NDUFAF2: variants seen among roughly 807,000 people sequenced by gnomAD.
NDUFAF2 encodes NADH:ubiquinone oxidoreductase complex assembly factor 2, also known as NADH dehydrogenase [ubiquinone] 1 alpha subcomplex assembly factor 2.
Under a neutral mutation model 22.8 loss-of-function variants are expected in NDUFAF2, and 13 were observed. The ratio of observed to expected loss-of-function variants is 0.57; its 90% CI spans 0.37 to 0.91. The LOEUF (loss-of-function observed/expected upper bound fraction) is 0.91. Ranked by LOEUF, NDUFAF2 falls within the 40% of genes least tolerant of loss-of-function variation. The probability of loss-of-function intolerance (pLI) is 0.01; values close to 1 mark genes in which losing one functional copy is unlikely to be tolerated. For synonymous variants in NDUFAF2, 53 were observed against 64.2 expected (o/e 0.83, Z 0.84); for missense variants, 162 against 195.2 (o/e 0.83, Z 1.01).
chr5:61,129,767 T>G (rs1474406398), intron 3 of NDUFAF2, among the ~76,000 whole-genome samples: 3 of 152,130 alleles, frequency 2.0e-5, no homozygotes, highest in Admixed American at 6.5e-5. Context: ...GTTGTACACA[T>G]GTACCCTAGA....
At chr5:61,060,440 T>C (rs1379401453) in intron 1 of NDUFAF2, among the ~76,000 whole-genome samples, 1 of 152,188 alleles carries the variant, frequency 6.6e-6, no homozygotes, top group African/African-American at 2.4e-5. Flanking sequence ...TCCTTTTGTA[T>C]GCAGAATTCA....
chr5:61,024,144 G>T (rs2112605682), intron 1 of NDUFAF2, among the ~76,000 whole-genome samples: 1 of 152,200 alleles, frequency 6.6e-6, no homozygotes, highest in East Asian at 1.9e-4. Context: ...CATGTTATAA[G>T]AATTTTCTGT....
chr5:60,985,414 A>G (rs1418576336), intron 1 of NDUFAF2, among the ~76,000 whole-genome samples: 1 of 151,840 alleles, frequency 6.6e-6, no homozygotes. Context: ...CTCTGATCTT[A>G]GTTATTTCTT....
chr5:61,082,819 C>G (rs886908760), intron 2 of NDUFAF2, among the ~76,000 whole-genome samples: 2 of 152,122 alleles, frequency 1.3e-5, no homozygotes, highest in South Asian at 4.1e-4. Flanking sequence ...GTGAATAGTG[C>G]TGCAATAACC....
At chr5:60,986,907 G>A (rs560526405) in intron 1 of NDUFAF2, among the ~76,000 whole-genome samples, 98 of 149,832 alleles carry the variant, frequency 6.5e-4, no homozygotes, top group African/African-American at 2.1e-3. Context: ...ACTCTAGCCC[G>A]GGCAATAATA....
intron 1 of NDUFAF2, among the ~76,000 whole-genome samples, chr5:61,008,818 C>G (rs1751406786): frequency 6.6e-6 from 1 of 151,982 alleles, no homozygotes; most frequent in Admixed American, 6.6e-5. Flanking sequence ...TCATTTTAAG[C>G]TCTGTAGAAG....
intron 3 of NDUFAF2, among the ~76,000 whole-genome samples, chr5:61,108,716 T>G (rs1003692146): frequency 6.6e-6 from 1 of 152,200 alleles, no homozygotes; most frequent in African/African-American, 2.4e-5. Flanking sequence ...TTGAAGAGAC[T>G]GTCCTTTCCC....
At chr5:61,018,069 T>C (rs898740143) in intron 1 of NDUFAF2, among the ~76,000 whole-genome samples, 1 of 152,188 alleles carries the variant, frequency 6.6e-6, no homozygotes, top group Non-Finnish European at 1.5e-5. Flanking sequence ...TATTTAATTA[T>C]AAGTACATAC....
intron 1 of NDUFAF2, among the ~76,000 whole-genome samples, chr5:61,024,263 ACTTTT>A (rs2112605745): frequency 6.6e-6 from 1 of 151,832 alleles, no homozygotes; most frequent in East Asian, 1.9e-4. Context: ...GATTGTTTTA[ACTTTT>A]CTTTTCCCTC....
At chr5:60,954,143 C>T (rs1750583220) in intron 1 of NDUFAF2, among the ~76,000 whole-genome samples, 1 of 152,076 alleles carries the variant, frequency 6.6e-6, no homozygotes, top group Admixed American at 6.6e-5. Context: ...ACCATGATAC[C>T]CATATCCATG....
intron 1 of NDUFAF2, among the ~76,000 whole-genome samples, chr5:61,068,868 A>G (rs1442822307): frequency 6.6e-6 from 1 of 152,156 alleles, no homozygotes; most frequent in African/African-American, 2.4e-5. Context: ...AAGTCTGGCA[A>G]CATATCTTAG....
At chr5:60,993,973 TG>T (rs1751194469) in intron 1 of NDUFAF2, among the ~76,000 whole-genome samples, 2 of 152,228 alleles carry the variant, frequency 1.3e-5, no homozygotes, top group Non-Finnish European at 2.9e-5. Context: ...GGGGCCTCAG[TG>T]GGGACCTGCT....
At chr5:60,948,562 T>G (rs116641491) in intron 1 of NDUFAF2, among the ~76,000 whole-genome samples, 7,529 of 152,110 alleles carry the variant, frequency 0.049, 630 homozygotes, top group African/African-American at 0.17. Flanking sequence ...TTTTTTTTTT[T>G]TTTGTTTTTT....
At chr5:61,128,883 C>A (rs140345286) in intron 3 of NDUFAF2, among the ~76,000 whole-genome samples, 1 of 151,654 alleles carries the variant, frequency 6.6e-6, no homozygotes, top group African/African-American at 2.4e-5. Context: ...TGGGAGAAAA[C>A]TTTTGCAATC....
chr5:61,067,047 A>G (rs1752236652), intron 1 of NDUFAF2, among the ~76,000 whole-genome samples: 1 of 152,152 alleles, frequency 6.6e-6, no homozygotes, highest in African/African-American at 2.4e-5. Context: ...ATAAAATTGT[A>G]CTGTGTGTGG....
At chr5:61,097,531 G>A (rs1373669106) in intron 2 of NDUFAF2, among the ~76,000 whole-genome samples, 2 of 152,198 alleles carry the variant, frequency 1.3e-5, no homozygotes, top group African/African-American at 4.8e-5. Context: ...GTGCCTAAAT[G>A]AATAAGGCTG....
intron 2 of NDUFAF2, 38 bp from the exon 3 acceptor site, chr5:61,098,954 A>G (rs199532782): frequency 1.3e-6 from 2 of 1,553,262 alleles, no homozygotes; most frequent in East Asian, 2.3e-5. Context: ...TGTGTAAATT[A>G]TGGGAAACTG....
At chr5:60,989,686 G>T (rs1269341219) in intron 1 of NDUFAF2, among the ~76,000 whole-genome samples, 1 of 152,166 alleles carries the variant, frequency 6.6e-6, no homozygotes, top group African/African-American at 2.4e-5. Context: ...TTATGAGTGG[G>T]AGCTAAGTAA....
intron 1 of NDUFAF2, among the ~76,000 whole-genome samples, chr5:61,000,142 T>C (rs1042029884): frequency 2.6e-5 from 4 of 152,142 alleles, no homozygotes; most frequent in African/African-American, 7.2e-5. Context: ...TGACAGACTA[T>C]GGAATTTGTC....
Sources: allele counts gnomAD v4.1 joint callset (sites outside exome capture counted in the v4.1 genomes callset), GRCh38; gene constraint gnomAD v4.1.1; transcripts MANE v1.5; gene names NCBI Gene and HGNC (gene_info 2026-07-23, HGNC 2026-07-21).